KIT: variants seen among roughly 807,000 people sequenced by gnomAD.
The protein encoded by KIT is KIT proto-oncogene, receptor tyrosine kinase, also known as mast/stem cell growth factor receptor Kit.
KIT carries 16 observed loss-of-function variants against 105.7 expected under a neutral mutation model. The ratio of observed to expected loss-of-function variants is 0.15; its 90% CI spans 0.10 to 0.23. KIT has a LOEUF of 0.23. Ranked by LOEUF, KIT falls within the 10% of genes least tolerant of loss-of-function variation. The probability of loss-of-function intolerance (pLI) is 1.00; values close to 1 mark genes in which losing one functional copy is unlikely to be tolerated. For missense variants in KIT, 858 were observed against 1,213.8 expected (o/e 0.71, Z 4.36); for synonymous variants, 438 against 441.1 (o/e 0.99, Z 0.09).
chr4:54,717,989 A>G (rs1367956091), intron 7 of KIT, among the ~76,000 whole-genome samples: 2 of 151,978 alleles, frequency 1.3e-5, no homozygotes, highest in East Asian at 1.9e-4. Flanking sequence ...TAGTTTCATC[A>G]TTTTTCAACG....
intron 20 of KIT, 27 bp downstream of exon 20, chr4:54,737,307 A>C: frequency 7.0e-7 from 1 of 1,431,194 alleles, no homozygotes; most frequent in Non-Finnish European, 9.9e-7. Flanking sequence ...CAGGCATAGA[A>C]TCCCCCTTCT....
At chr4:54,732,340 A>G (rs1187401333) in intron 16 of KIT, among the ~76,000 whole-genome samples, 1 of 152,170 alleles carries the variant, frequency 6.6e-6, no homozygotes, top group African/African-American at 2.4e-5. Flanking sequence ...CAGTAAAAGC[A>G]GAGGGCACCT....
At chr4:54,662,814 C>G (rs1407187436) in intron 1 of KIT, among the ~76,000 whole-genome samples, 3 of 152,112 alleles carry the variant, frequency 2.0e-5, no homozygotes, top group African/African-American at 7.2e-5. Flanking sequence ...CTCAGGTGAT[C>G]TACCTGCCTC....
At chr4:54,704,395 C>T (rs930357214) in intron 5 of KIT, among the ~76,000 whole-genome samples, 2 of 151,838 alleles carry the variant, frequency 1.3e-5, no homozygotes, top group African/African-American at 4.9e-5. Flanking sequence ...CCTTATCTCA[C>T]CTGTTCTCTA....
At position 54,740,610 on chromosome 4, in the gene KIT, G is replaced by A. The variant is rs1052390753; in HGVS notation, c.*2053G>A. ...TAACTTTATGTGTAAATACATAAGC[G>A]GCGTAAGTTTAAAGGATGTTGGTGT... is the stretch of plus-strand genomic sequence containing the variant. On this transcript the variant is annotated 3_prime_UTR_variant, in exon 21 of 21. Coordinates refer to ENST00000288135, the MANE Select transcript of KIT (RefSeq NM_000222.3). 9 of 232,460 alleles carry A rather than the reference G, an allele frequency of 3.9e-5. No homozygotes were observed. The highest frequency in any genetic ancestry group is 3.4e-4 in the Admixed American group (6 of 17,738). 14.4% of individuals were successfully genotyped at this position (232,460 alleles called of 1,614,324 possible). A position where few individuals can be genotyped will look rare whatever the true frequency, so the allele number is the denominator to read the frequency against.
intron 1 of KIT, among the ~76,000 whole-genome samples, chr4:54,659,619 G>A (rs1387353225): frequency 6.6e-6 from 1 of 152,154 alleles, no homozygotes; most frequent in Non-Finnish European, 1.5e-5. Flanking sequence ...CTGGACCCCT[G>A]TGCAGCAGGA....
At position 54,738,516 on chromosome 4, in the gene KIT, G is replaced by T. The variant is rs766845123; in HGVS notation, c.2890G>T (p.Ala964Ser). 1.2e-6 allele frequency: 2 copies of T among 1,614,034 alleles called. No individual in the cohort carries two copies. Among genetic ancestry groups the T allele is most frequent in the Non-Finnish European group, 8.5e-7 (1 of 1,180,004 alleles). The change falls in exon 21 of 21, where the codon GCT becomes TCT. Residue 964 changes from alanine (A) to serine (S), a missense_variant. Transcript: ENST00000288135. ...SVRINSVGST[A>S]SSSQPLLVHD... ...GCGGATCAATTCTGTCGGCAGCACC[G>T]CTTCCTCCTCCCAGCCTCTGCTTGT...
intron 1 of KIT, among the ~76,000 whole-genome samples, chr4:54,662,465 A>G (rs1295548009): frequency 6.6e-6 from 1 of 152,216 alleles, no homozygotes; most frequent in Non-Finnish European, 1.5e-5. Context: ...TACAGGCTCA[A>G]TATGTGTTAG....
At chr4:54,670,442 TAAAGTCCTGTG>T (rs1045237777) in intron 1 of KIT, among the ~76,000 whole-genome samples, 1 of 152,184 alleles carries the variant, frequency 6.6e-6, no homozygotes, top group Non-Finnish European at 1.5e-5. Flanking sequence ...GGCTTTGCTA[TAAAGTCCTGTG>T]AAATTGGGGG....
chr4:54,686,113 A>C (rs1454659934), intron 1 of KIT, among the ~76,000 whole-genome samples: 1 of 152,126 alleles, frequency 6.6e-6, no homozygotes, highest in Admixed American at 6.5e-5. Context: ...TTTGCCATTA[A>C]TTACTGACAC....
At chr4:54,720,617 C>G (rs1365454573) in intron 7 of KIT, among the ~76,000 whole-genome samples, 2 of 152,292 alleles carry the variant, frequency 1.3e-5, no homozygotes, top group East Asian at 3.9e-4. Flanking sequence ...TTTTCATCAC[C>G]TTACTACCCA....
intron 1 of KIT, among the ~76,000 whole-genome samples, chr4:54,671,573 T>G (rs1254120325): frequency 1.3e-5 from 2 of 152,190 alleles, no homozygotes; most frequent in Non-Finnish European, 1.5e-5. Context: ...TTTACAGTAA[T>G]TATCACTGGT....
intron 7 of KIT, among the ~76,000 whole-genome samples, chr4:54,709,763 C>G (rs1721020599): frequency 6.6e-6 from 1 of 152,166 alleles, no homozygotes; most frequent in African/African-American, 2.4e-5. Context: ...TGCTCAAATT[C>G]TGCGTGCTGC....
At chr4:54,696,025 T>A (rs1720042311) in intron 2 of KIT, 1 of 556,598 alleles carries the variant, frequency 1.8e-6, no homozygotes, top group East Asian at 3.1e-5. Flanking sequence ...TTACAGTAGG[T>A]TTAGCCCATT....
chr4:54,737,348 C>A (rs1722982528), intron 20 of KIT, 68 bp downstream of exon 20: 2 of 1,073,228 alleles, frequency 1.9e-6, no homozygotes, highest in African/African-American at 1.6e-5. Flanking sequence ...CCTCCTCAGG[C>A]TTTCAGGGTG....
intron 1 of KIT, among the ~76,000 whole-genome samples, chr4:54,694,877 A>G (rs933685693): frequency 6.6e-6 from 1 of 152,202 alleles, no homozygotes; most frequent in African/African-American, 2.4e-5. Flanking sequence ...TCAGAGCCTA[A>G]AGTTTGCATC....
In KIT at chr4:54,699,579, T is replaced by C. The variant is rs1323011719; in HGVS notation, c.620-51T>C. 2.5e-6 allele frequency: 4 copies of C among 1,606,242 alleles called. No homozygotes were observed. The East Asian group carries it at 8.9e-5, about 36-fold the overall frequency. ...TTGAGGAGAAATGGTAAATCAAAATTTCATGCTATAATACAAATTATTTGA... is the reference window on the plus strand; with the variant it reads ...TTGAGGAGAAATGGTAAATCAAAATCTCATGCTATAATACAAATTATTTGA... On this transcript the variant is annotated intron_variant, in intron 3 of 20. Coordinates refer to ENST00000288135, the MANE Select transcript of KIT (RefSeq NM_000222.3).
In KIT at chr4:54,698,250, A is replaced by G. The variant is rs768452530; in HGVS notation, c.338-34A>G. 6 of 1,602,012 alleles carry G rather than the reference A, an allele frequency of 3.7e-6. No individual in the cohort carries two copies. In the South Asian group the frequency reaches 5.6e-5, roughly 15 times the overall value. ...GTGTTTTCAGTGTCTGTGACCAGCC[A>G]TTCCAACTACTGATTTTGGATATGC... On this transcript the variant is annotated intron_variant, in intron 2 of 20. Coordinates refer to ENST00000288135, the MANE Select transcript of KIT (RefSeq NM_000222.3).
At chr4:54,700,228 A>G (rs182328804) in intron 4 of KIT, among the ~76,000 whole-genome samples, 119 of 152,306 alleles carry the variant, frequency 7.8e-4, no homozygotes, top group African/African-American at 2.8e-3. Context: ...AAATTGGCCT[A>G]TCCATTTGAA....
Sources: gnomAD v4.1 joint callset for allele counts (sites outside exome capture counted in the v4.1 genomes callset) on GRCh38, gnomAD v4.1.1 for gene constraint, MANE v1.5 for transcripts, NCBI Gene and HGNC (gene_info 2026-07-23, HGNC 2026-07-21) for gene names.